NCALD: variants seen among roughly 807,000 people sequenced by gnomAD.
The protein encoded by NCALD is neurocalcin delta, also known as neurocalcin-delta.
NCALD carries 10 observed loss-of-function variants against 18.6 expected under a neutral mutation model. The observed-to-expected ratio is 0.54, with a 90% confidence interval of 0.33 to 0.91. The LOEUF is 0.91. Among genes scored for constraint, NCALD ranks in the 40% least tolerant of loss-of-function variants. NCALD has a pLI of 0.03. For missense variants in NCALD, 184 were observed against 247.6 expected, an observed-to-expected ratio of 0.74 and a Z score of 1.72; for synonymous variants, 88 against 87.4, an observed-to-expected ratio of 1.01 and a Z score of -0.04.
chr8:102,080,789 T>C (rs981191851), intron 1 of NCALD, among the ~76,000 whole-genome samples: 4 of 152,240 alleles, frequency 2.6e-5, no homozygotes, highest in African/African-American at 9.6e-5. Flanking sequence ...TCAATGGTTC[T>C]TGAATTATAC....
chr8:101,995,150 C>A (rs182423978), intron 2 of NCALD, among the ~76,000 whole-genome samples: 6 of 152,262 alleles, frequency 3.9e-5, no homozygotes, highest in Admixed American at 3.9e-4. Flanking sequence ...TTCTTGAGAA[C>A]AGGAACTCTG....
intron 1 of NCALD, among the ~76,000 whole-genome samples, chr8:102,021,400 T>A (rs1351870080): frequency 6.6e-6 from 1 of 152,238 alleles, no homozygotes; most frequent in Non-Finnish European, 1.5e-5. Flanking sequence ...AATGGCACAT[T>A]ATAGTGTGAT....
chr8:101,703,296 A>G (rs775281028), intron 2 of NCALD, among the ~76,000 whole-genome samples: 8 of 152,154 alleles, frequency 5.3e-5, no homozygotes, highest in Non-Finnish European at 1.0e-4. Context: ...TCTAACACTT[A>G]CTTTATTCAA....
At chr8:101,872,808 C>T (rs1454313451) in intron 4 of NCALD, among the ~76,000 whole-genome samples, 1 of 152,154 alleles carries the variant, frequency 6.6e-6, no homozygotes, top group Non-Finnish European at 1.5e-5. Context: ...CATGGAGGAG[C>T]TAACCTGTTT....
chr8:101,735,613 C>T (rs547279919), intron 1 of NCALD, among the ~76,000 whole-genome samples: 2 of 152,164 alleles, frequency 1.3e-5, no homozygotes, highest in South Asian at 4.2e-4. Flanking sequence ...CATACTTACA[C>T]AAAAAATCTG....
intron 2 of NCALD, 116 bp downstream of exon 2, chr8:101,719,136 T>G: frequency 8.0e-7 from 1 of 1,247,314 alleles, no homozygotes; most frequent in Non-Finnish European, 1.1e-6. Flanking sequence ...GTGGGCCAAA[T>G]GAAGTGTCCT....
chr8:101,891,827 C>G (rs191026157), intron 3 of NCALD, among the ~76,000 whole-genome samples: 1 of 152,222 alleles, frequency 6.6e-6, no homozygotes, highest in African/African-American at 2.4e-5. Flanking sequence ...CGGAGCACCA[C>G]GAGATTATAT....
chr8:102,016,330 G>A (rs1170604894), intron 2 of NCALD, among the ~76,000 whole-genome samples: 1 of 152,184 alleles, frequency 6.6e-6, no homozygotes, highest in African/African-American at 2.4e-5. Flanking sequence ...CCAAGGCCCA[G>A]AAACATAAGG....
intron 2 of NCALD, among the ~76,000 whole-genome samples, chr8:102,004,011 G>A (rs1460262827): frequency 1.8e-4 from 28 of 151,460 alleles, no homozygotes; most frequent in Non-Finnish European, 1.5e-5. Context: ...TCAACATAGT[G>A]TTGGAAGTTC....
intron 3 of NCALD, among the ~76,000 whole-genome samples, chr8:101,912,669 C>A (rs1044299202): frequency 2.0e-5 from 3 of 152,214 alleles, no homozygotes; most frequent in Non-Finnish European, 4.4e-5. Context: ...GTGGTGGAAT[C>A]CCAATGCCCA....
chr8:101,794,412 C>T (rs1812559671), upstream of NCALD, among the ~76,000 whole-genome samples: 1 of 151,854 alleles, frequency 6.6e-6, no homozygotes, highest in South Asian at 2.1e-4. Flanking sequence ...CAACCCCCAA[C>T]CTCAAAAAAA....
intron 1 of NCALD, among the ~76,000 whole-genome samples, chr8:102,108,066 G>A (rs1825529146): frequency 2.6e-5 from 4 of 152,122 alleles, no homozygotes; most frequent in Admixed American, 2.6e-4. Context: ...GGAACTAGAG[G>A]CCAGCAAGGT....
intron 2 of NCALD, chr8:101,693,320 T>C: frequency 6.7e-5 from 1 of 14,818 alleles, no homozygotes; most frequent in Non-Finnish European, 1.8e-4. Context: ...CACAGGGCGT[T>C]TTTTTTTTTT....
At chr8:102,091,847 T>C (rs1237292938) in intron 1 of NCALD, among the ~76,000 whole-genome samples, 1 of 152,192 alleles carries the variant, frequency 6.6e-6, no homozygotes, top group African/African-American at 2.4e-5. Context: ...GGCAGGAATA[T>C]CATTGCCCCT....
At chr8:101,926,540 T>C (rs995030037) in intron 2 of NCALD, among the ~76,000 whole-genome samples, 2 of 152,174 alleles carry the variant, frequency 1.3e-5, no homozygotes, top group Non-Finnish European at 2.9e-5. Context: ...AGTGACTATT[T>C]CCGTTTTAAA....
Position 102,046,956 on chromosome 8 carries a change from G to A in NCALD, c.-209-26667C>T, listed in dbSNP as rs554093413. Among the ~76,000 whole-genome samples, 7 of 152,102 alleles carry A rather than the reference G, an allele frequency of 4.6e-5. No individual in the cohort carries two copies. The East Asian group carries it at 1.2e-3, about 25-fold the overall frequency. Reference sequence around the variant, plus strand: ...CAGTACCCAAGAGTTAACCTTTTCCGCTCCTCTCCCTCCTCCCATTCTCCA... The same window carrying A: ...CAGTACCCAAGAGTTAACCTTTTCCACTCCTCTCCCTCCTCCCATTCTCCA... On this transcript the variant is annotated intron_variant, in intron 1 of 6. Coordinates refer to the NCALD transcript ENST00000311028.
intron 4 of NCALD, among the ~76,000 whole-genome samples, chr8:101,813,886 C>A (rs1458094642): frequency 6.6e-6 from 1 of 152,018 alleles, no homozygotes; most frequent in Non-Finnish European, 1.5e-5. Context: ...GATGCTTGCC[C>A]ATTTTTACTA....
chr8:102,046,171 A>G (rs1285328965), intron 1 of NCALD, among the ~76,000 whole-genome samples: 1 of 152,226 alleles, frequency 6.6e-6, no homozygotes, highest in Non-Finnish European at 1.5e-5. Context: ...ACTCCGCTTC[A>G]CCAGTTGAGA....
intron 2 of NCALD, among the ~76,000 whole-genome samples, chr8:101,926,752 C>A (rs1001603203): frequency 1.3e-5 from 2 of 152,114 alleles, no homozygotes; most frequent in African/African-American, 4.8e-5. Context: ...ACTAGAAATG[C>A]CACTTGTATC....
Sources: gnomAD v4.1 joint callset for allele counts (sites outside exome capture counted in the v4.1 genomes callset) on GRCh38, gnomAD v4.1.1 for gene constraint, MANE v1.5 for transcripts, NCBI Gene and HGNC (gene_info 2026-07-23, HGNC 2026-07-21) for gene names.